The following KLHL32 variants were observed in gnomAD, a reference collection of about 807,000 sequenced individuals.
KLHL32 encodes kelch like family member 32.
A neutral mutation model predicts 64.8 loss-of-function variants in KLHL32; 35 were observed. That is an observed-to-expected ratio of 0.54 (90% CI 0.41 to 0.72). The LOEUF is 0.72. Among genes scored for constraint, KLHL32 ranks in the 30% least tolerant of loss-of-function variants. The pLI is 0.00. For synonymous variants in KLHL32, 259 were observed against 281.0 expected (o/e 0.92, Z 0.78); for missense variants, 589 against 768.5 (o/e 0.77, Z 2.76).
At chr6:97,055,816 AAAAAAAC>A (rs1198578810) in intron 4 of KLHL32, among the ~76,000 whole-genome samples, 6 of 144,402 alleles carry the variant, frequency 4.2e-5, no homozygotes, top group African/African-American at 1.1e-4. Flanking sequence ...AAAAAAAAAA[AAAAAAAC>A]CCCTTCTTAT....
chr6:97,111,354 C>G (rs550094783), intron 6 of KLHL32, among the ~76,000 whole-genome samples: 2 of 152,236 alleles, frequency 1.3e-5, no homozygotes, highest in African/African-American at 4.8e-5. Context: ...AGAGGAAGAT[C>G]CTGGGCGGGC....
At chr6:97,046,863 C>T (rs17057302) in intron 4 of KLHL32, among the ~76,000 whole-genome samples, 16,869 of 152,044 alleles carry the variant, frequency 0.11, 1,743 homozygotes, top group East Asian at 0.39. Flanking sequence ...AGTCTTTATC[C>T]GTGATATGTA....
At chr6:97,088,942 A>G (rs1308010565) in intron 6 of KLHL32, among the ~76,000 whole-genome samples, 1 of 152,092 alleles carries the variant, frequency 6.6e-6, no homozygotes, top group Non-Finnish European at 1.5e-5. Context: ...TAAGAGGGAG[A>G]TTACTGTTTT....
intron 6 of KLHL32, among the ~76,000 whole-genome samples, chr6:97,089,549 C>A (rs887109537): frequency 6.6e-6 from 1 of 152,106 alleles, no homozygotes; most frequent in African/African-American, 2.4e-5. Flanking sequence ...GAGGCTGAGG[C>A]GGGCAGATCA....
At chr6:96,970,229 T>C (rs1774963833) in intron 2 of KLHL32, among the ~76,000 whole-genome samples, 1 of 152,200 alleles carries the variant, frequency 6.6e-6, no homozygotes, top group Non-Finnish European at 1.5e-5. Flanking sequence ...CTCTTGGTAC[T>C]ACAGCTTGAA....
At chr6:96,996,071 A>G (rs1480489029) in intron 3 of KLHL32, among the ~76,000 whole-genome samples, 1 of 152,208 alleles carries the variant, frequency 6.6e-6, no homozygotes, top group African/African-American at 2.4e-5. Flanking sequence ...CCCCTCTGAC[A>G]GTGGGTACAC....
chr6:96,969,795 G>A (rs926966538), intron 2 of KLHL32, among the ~76,000 whole-genome samples: 6 of 152,176 alleles, frequency 3.9e-5, no homozygotes, highest in African/African-American at 1.2e-4. Context: ...CTATGCAGAT[G>A]AGTCTCAGAT....
chr6:96,951,467 G>A (rs1454719710), intron 1 of KLHL32, among the ~76,000 whole-genome samples: 1 of 152,032 alleles, frequency 6.6e-6, no homozygotes, highest in Non-Finnish European at 1.5e-5. Flanking sequence ...AAGAGGGCTG[G>A]GCCATGTGGG....
At chr6:97,097,638 T>G (rs1439063504) in intron 6 of KLHL32, among the ~76,000 whole-genome samples, 1 of 152,174 alleles carries the variant, frequency 6.6e-6, no homozygotes, top group Non-Finnish European at 1.5e-5. Flanking sequence ...TCTGCCTTTT[T>G]TTTTTCTTTT....
At chr6:96,911,608 C>T in the KLHL32 span, among the ~76,000 whole-genome samples, 43 of 152,188 alleles carry the variant, frequency 2.8e-4, no homozygotes, top group Non-Finnish European at 5.1e-4. Context: ...TTCCACTTCC[C>T]GCCTCCCATT....
chr6:96,968,754 C>T (rs1774776231), intron 2 of KLHL32, among the ~76,000 whole-genome samples: 1 of 152,072 alleles, frequency 6.6e-6, no homozygotes, highest in Non-Finnish European at 1.5e-5. Context: ...TCTCCTTGTC[C>T]TGAAAAGCTC....
intron 1 of KLHL32, among the ~76,000 whole-genome samples, chr6:96,943,729 A>G (rs1771608948): frequency 6.6e-6 from 1 of 152,124 alleles, no homozygotes; most frequent in Non-Finnish European, 1.5e-5. Flanking sequence ...TTCCTTTTCC[A>G]GTTAAACACT....
chr6:97,053,795 A>G (rs1787346207), intron 4 of KLHL32, among the ~76,000 whole-genome samples: 1 of 151,756 alleles, frequency 6.6e-6, no homozygotes, highest in Non-Finnish European at 1.5e-5. Context: ...ATTGTGTACT[A>G]TGCCTTTTAT....
chr6:97,123,024 C>T (rs1342918600), intron 7 of KLHL32, among the ~76,000 whole-genome samples: 1 of 152,206 alleles, frequency 6.6e-6, no homozygotes, highest in African/African-American at 2.4e-5. Flanking sequence ...TTCTTTGCAT[C>T]CCACTCTGTC....
intron 3 of KLHL32, among the ~76,000 whole-genome samples, chr6:97,008,314 CT>C (rs1331097139): frequency 6.6e-6 from 1 of 152,164 alleles, no homozygotes; most frequent in African/African-American, 2.4e-5. Context: ...AGGAAGCACC[CT>C]GTTTGGGCAT....
chr6:97,136,665 T>C (rs1279893047), intron 10 of KLHL32, among the ~76,000 whole-genome samples: 2 of 152,234 alleles, frequency 1.3e-5, no homozygotes, highest in East Asian at 3.9e-4. Context: ...CTTCATTTAC[T>C]ATTATTTTTT....
intron 3 of KLHL32, among the ~76,000 whole-genome samples, chr6:97,022,510 C>T (rs1562252223): frequency 6.9e-6 from 1 of 144,892 alleles, no homozygotes; most frequent in Non-Finnish European, 1.5e-5. Context: ...ACTCTTGTTG[C>T]CCAGGCTGGA....
intron 3 of KLHL32, among the ~76,000 whole-genome samples, chr6:97,012,566 C>A (rs545671701): frequency 6.6e-6 from 1 of 152,168 alleles, no homozygotes; most frequent in Non-Finnish European, 1.5e-5. Flanking sequence ...TTTTAAACCA[C>A]GAAGTTTGTG....
chr6:96,938,093 A>G (rs1189409596), intron 1 of KLHL32, among the ~76,000 whole-genome samples: 1 of 152,212 alleles, frequency 6.6e-6, no homozygotes, highest in African/African-American at 2.4e-5. Flanking sequence ...AAACAAACAG[A>G]AAAACCCTTA....
Sources: allele counts gnomAD v4.1 joint callset (sites outside exome capture counted in the v4.1 genomes callset), GRCh38; gene constraint gnomAD v4.1.1; transcripts MANE v1.5; gene names NCBI Gene and HGNC (gene_info 2026-07-23, HGNC 2026-07-21).